ASH1L: variants seen among roughly 807,000 people sequenced by gnomAD.
ASH1L encodes the protein histone-lysine N-methyltransferase ASH1L.
Under a neutral mutation model 269.0 loss-of-function variants are expected in ASH1L, and 23 were observed. That is an observed-to-expected ratio of 0.09 (90% CI 0.06 to 0.12). The LOEUF (loss-of-function observed/expected upper bound fraction) is 0.12, where lower values mean the gene tolerates loss of function less well. Among genes scored for constraint, ASH1L ranks in the 10% least tolerant of loss-of-function variants. ASH1L has a pLI of 1.00. For missense variants in ASH1L, 2,912 were observed against 3,567.8 expected, an observed-to-expected ratio of 0.82 and a Z score of 4.68; for synonymous variants, 1,187 against 1,253.5, an observed-to-expected ratio of 0.95 and a Z score of 1.12.
At chr1:155,454,822 T>C (rs1355194725) in intron 4 of ASH1L, among the ~76,000 whole-genome samples, 3 of 152,204 alleles carry the variant, frequency 2.0e-5, no homozygotes, top group African/African-American at 2.4e-5. Flanking sequence ...GCATATTTTA[T>C]TGTTGCTCTC....
chr1:155,496,151 A>G (rs1161374659), intron 2 of ASH1L, among the ~76,000 whole-genome samples: 1 of 152,166 alleles, frequency 6.6e-6, no homozygotes, highest in Non-Finnish European at 1.5e-5. Context: ...TTTTCTTTGT[A>G]TCTTTACAAT....
In ASH1L at chr1:155,521,330, C is replaced by G; in HGVS notation, c.190G>C (p.Asp64His). 6.2e-7 allele frequency: 1 copy of G among 1,614,136 alleles called. No individual in the cohort carries two copies. The highest frequency in any genetic ancestry group is 8.5e-7 in the Non-Finnish European group (1 of 1,180,034). Reference protein sequence around the residue: ...RERNIEAGKDDGLTDAQQQFS... With the variant: ...RERNIEAGKDHGLTDAQQQFS... ...TGTTGCTGTGCATCAGTCAAACCAT[C>G]ATCTTTCCCAGCTTCGATGTTTCTT... The change falls in exon 2 of 28, where the codon GAT (aspartate) becomes CAT (histidine). Residue 64 changes from aspartate (D) to histidine (H), a missense_variant. Physicochemically the swap from Asp to His is moderately conservative, Grantham distance 81. Transcript: ENST00000392403.
intron 2 of ASH1L, among the ~76,000 whole-genome samples, chr1:155,513,379 G>A (rs1668295075): frequency 6.6e-6 from 1 of 151,876 alleles, no homozygotes. Context: ...AGATCAGCCT[G>A]GGCAACATGG....
chr1:155,360,446 A>G lies in ASH1L; in HGVS notation c.6687-37T>C. ...GAAAACAGAGTTATAAAGGCTGGAA[A>G]TTTTTTTTTTTTTTTGAGACGGAGT... On this transcript the variant is annotated intron_variant, in intron 12 of 27. Coordinates refer to ENST00000392403, the MANE Select transcript of ASH1L (RefSeq NM_018489.3). The G allele has an allele frequency of 2.7e-6, 3 of 1,123,972 alleles. No individual in the cohort carries two copies. In the South Asian group the frequency reaches 4.2e-5, roughly 16 times the overall value. The allele number at this position is 1,123,972 out of a possible 1,614,324, so 69.6% of individuals were successfully genotyped here.
intron 5 of ASH1L, among the ~76,000 whole-genome samples, chr1:155,427,225 C>T (rs1661225534): frequency 6.6e-6 from 1 of 151,592 alleles, no homozygotes; most frequent in Admixed American, 6.6e-5. Flanking sequence ...ACCTTCACCT[C>T]CAAGGTTCTA....
chr1:155,479,025 C>G lies in ASH1L; in HGVS notation c.3845G>C (p.Arg1282Thr). The G allele has an allele frequency of 6.2e-7, 1 of 1,613,796 alleles. No homozygotes were observed. The highest frequency in any genetic ancestry group is 8.5e-7 in the Non-Finnish European group (1 of 1,180,014). ...CTCTGCAATAAAGTCTGGATCCTGT[C>G]TATTTCGAAGCTGGGGATATTTCTT... ...RKKKYPQLRN[R>T]QDPDFIAELE... Residue 1282 changes from arginine to threonine, a missense_variant, in exon 3 of 28, where the codon AGA (arginine) becomes ACA (threonine). Arg to Thr is a moderately conservative substitution (Grantham distance 71, BLOSUM62 -1). Coordinates refer to ENST00000392403, the MANE Select transcript of ASH1L (RefSeq NM_018489.3).
intron 12 of ASH1L, among the ~76,000 whole-genome samples, chr1:155,368,899 T>C (rs933331383): frequency 6.6e-6 from 1 of 152,178 alleles, no homozygotes; most frequent in Non-Finnish European, 1.5e-5. Context: ...GCATTCAACA[T>C]GGATGAACTG....
In ASH1L at chr1:155,336,438, C is replaced by T. The variant is rs1362329624; in HGVS notation, c.*1222G>A. On this transcript the variant is annotated 3_prime_UTR_variant, in exon 28 of 28. Coordinates refer to ENST00000392403, the MANE Select transcript of ASH1L (RefSeq NM_018489.3). ...ACACACAACTTGGCACATTTAAAAA[C>T]CATCTTTTCTCTTATAAGAACATCT... is the stretch of plus-strand genomic sequence containing the variant. 1 of 151,898 alleles carries T rather than the reference C, an allele frequency of 6.6e-6. No homozygotes were observed. Among genetic ancestry groups the T allele is most frequent in the East Asian group, 1.9e-4 (1 of 5,232 alleles). 9.4% of individuals were successfully genotyped at this position (151,898 alleles called of 1,614,324 possible).
chr1:155,482,460 A>G lies in ASH1L; in HGVS notation c.421-11T>C, dbSNP rs1398542944. The G allele has an allele frequency of 6.3e-7, 1 of 1,589,542 alleles. No individual in the cohort carries two copies. Among genetic ancestry groups the G allele is most frequent in the African/African-American group, 1.4e-5 (1 of 73,768 alleles). On this transcript the variant is annotated splice_polypyrimidine_tract_variant and intron_variant, in intron 2 of 27. Coordinates refer to ENST00000392403, the MANE Select transcript of ASH1L (RefSeq NM_018489.3). ...CAACTTTGAAGGGTCCTAAAATTTG[A>G]ACAAGAAAAAAGTTAAAGAGGGAGT...
At chr1:155,354,729 A>T (rs576352175) in intron 15 of ASH1L, 99 bp from the exon 16 acceptor site, 324 of 1,177,644 alleles carry the variant, frequency 2.8e-4, no homozygotes, top group Non-Finnish European at 3.1e-4. Context: ...ATATACGTGA[A>T]TTGAGCTGTT....
intron 5 of ASH1L, among the ~76,000 whole-genome samples, chr1:155,436,082 T>TC (rs1475445837): frequency 6.6e-6 from 1 of 152,162 alleles, no homozygotes; most frequent in Non-Finnish European, 1.5e-5. Context: ...AAGAATGGTT[T>TC]ATTGCCTGTG....
intron 1 of ASH1L, among the ~76,000 whole-genome samples, chr1:155,548,663 T>C (rs1571133522): frequency 6.6e-6 from 1 of 152,252 alleles, no homozygotes; most frequent in Admixed American, 6.5e-5. Flanking sequence ...TCTCTTTTAG[T>C]TCTGGTATTC....
chr1:155,480,787 G>C lies in ASH1L; in HGVS notation c.2083C>G (p.Gln695Glu). 6.2e-7 allele frequency: 1 copy of C among 1,613,658 alleles called. No homozygotes were observed. The highest frequency in any genetic ancestry group is 8.5e-7 in the Non-Finnish European group (1 of 1,179,916). Residue 695 changes from glutamine (Q) to glutamate (E), a missense_variant, in exon 3 of 28, where the codon CAA (glutamine) becomes GAA (glutamate). Coordinates refer to ENST00000392403, the MANE Select transcript of ASH1L (RefSeq NM_018489.3). The part of the protein sequence containing the change: ...GAVSASDKHC[Q>E]VAESLSTSLQ... The stretch of plus-strand genomic sequence containing the variant: ...CTAGTACTTAGGCTTTCAGCAACTT[G>C]GCAGTGTTTGTCTGATGCAGATACT...
chr1:155,390,642 C>CG (rs1657842826), intron 7 of ASH1L, among the ~76,000 whole-genome samples: 2 of 138,692 alleles, frequency 1.4e-5, no homozygotes, highest in South Asian at 5.5e-4. Flanking sequence ...TCCCCCCCCC[C>CG]CCTTTTTTCT....
intron 2 of ASH1L, among the ~76,000 whole-genome samples, chr1:155,512,130 C>T (rs1198514725): frequency 1.3e-5 from 2 of 151,990 alleles, no homozygotes; most frequent in Admixed American, 1.3e-4. Flanking sequence ...TTCTTATTCT[C>T]TTATTTCCCT....
chr1:155,461,542 C>T (rs1366905289), intron 3 of ASH1L, among the ~76,000 whole-genome samples: 3 of 152,024 alleles, frequency 2.0e-5, no homozygotes, highest in African/African-American at 7.2e-5. Flanking sequence ...AAATCCTCCT[C>T]GAGTGTGGTT....
At chr1:155,511,563 T>G (rs1373880870) in intron 2 of ASH1L, among the ~76,000 whole-genome samples, 1 of 152,224 alleles carries the variant, frequency 6.6e-6, no homozygotes, top group Non-Finnish European at 1.5e-5. Context: ...TGGAGTGCAG[T>G]GGCGCAATCT....
intron 4 of ASH1L, among the ~76,000 whole-genome samples, chr1:155,452,331 G>A (rs940410035): frequency 1.3e-5 from 2 of 151,998 alleles, no homozygotes; most frequent in African/African-American, 2.4e-5. Flanking sequence ...GACCGACTGC[G>A]TCCTGCCGGT....
chr1:155,347,941 C>G, intron 19 of ASH1L, 37 bp from the exon 20 acceptor site: 1 of 1,609,318 alleles, frequency 6.2e-7, no homozygotes, highest in East Asian at 2.2e-5. Context: ...GTTTGGTTCT[C>G]TCAATGTGGC....
Sources: gnomAD v4.1 joint callset for allele counts (sites outside exome capture counted in the v4.1 genomes callset) on GRCh38, gnomAD v4.1.1 for gene constraint, MANE v1.5 for transcripts, NCBI Gene and HGNC (gene_info 2026-07-23, HGNC 2026-07-21) for gene names.